The following SUPT3H variants were observed in gnomAD, a reference collection of about 807,000 sequenced individuals.
SUPT3H encodes SPT3 homolog, SAGA and STAGA complex component.
Under a neutral mutation model 44.3 loss-of-function variants are expected in SUPT3H, and 44 were observed. That is an observed-to-expected ratio of 0.99 (90% CI 0.78 to 1.28). The LOEUF (loss-of-function observed/expected upper bound fraction) is 1.28. Ranked by LOEUF, SUPT3H falls within the 50% of genes most tolerant of loss-of-function variation. The pLI is 0.00. For missense variants in SUPT3H, 380 were observed against 387.1 expected, an observed-to-expected ratio of 0.98 and a Z score of 0.15; for synonymous variants, 124 against 125.6, an observed-to-expected ratio of 0.99 and a Z score of 0.09.
intron 6 of SUPT3H, among the ~76,000 whole-genome samples, chr6:44,970,047 T>A (rs1057202168): frequency 1.3e-5 from 2 of 152,164 alleles, no homozygotes; most frequent in Admixed American, 6.5e-5. Context: ...ATAGAGTTGT[T>A]TCAAAATATT....
At chr6:44,915,079 A>G (rs770401785) in intron 10 of SUPT3H, among the ~76,000 whole-genome samples, 1 of 152,138 alleles carries the variant, frequency 6.6e-6, no homozygotes, top group Non-Finnish European at 1.5e-5. Flanking sequence ...CCTTACCTCT[A>G]AAGAAAGTAT....
intron 6 of SUPT3H, among the ~76,000 whole-genome samples, chr6:44,986,339 A>T (rs1779790783): frequency 6.6e-6 from 1 of 152,202 alleles, no homozygotes; most frequent in Admixed American, 6.6e-5. Context: ...AGGGTAACAG[A>T]AACTATCCCA....
At chr6:45,302,467 C>CATATAT (rs57394324) in intron 2 of SUPT3H, among the ~76,000 whole-genome samples, 2 of 131,206 alleles carry the variant, frequency 1.5e-5, no homozygotes, top group African/African-American at 5.7e-5. Context: ...TCCATATATA[C>CATATAT]ATATATATAT....
intron 2 of SUPT3H, among the ~76,000 whole-genome samples, chr6:45,170,073 T>C (rs1810523243): frequency 6.6e-6 from 1 of 152,174 alleles, no homozygotes; most frequent in African/African-American, 2.4e-5. Flanking sequence ...CACAGAAAGT[T>C]AATAGTTGCC....
At chr6:45,110,562 C>CA (rs1554251648) in intron 2 of SUPT3H, among the ~76,000 whole-genome samples, 1 of 87,378 alleles carries the variant, frequency 1.1e-5, no homozygotes, top group African/African-American at 6.8e-5. Flanking sequence ...CTAACATCAG[C>CA]TTTTTTTAAA....
intron 2 of SUPT3H, among the ~76,000 whole-genome samples, chr6:45,245,927 T>C (rs187529436): frequency 6.2e-4 from 95 of 152,290 alleles, no homozygotes; most frequent in Non-Finnish European, 1.2e-3. Context: ...AATTTGTCCA[T>C]ATCCTTGCCA....
chr6:45,216,194 G>GGTAA (rs1454050172), intron 2 of SUPT3H, among the ~76,000 whole-genome samples: 1 of 103,902 alleles, frequency 9.6e-6, no homozygotes, highest in Non-Finnish European at 1.8e-5. Context: ...GTAAAAGGAT[G>GGTAA]GTAACTACCA....
chr6:45,194,331 TAC>T, intron 2 of SUPT3H, among the ~76,000 whole-genome samples: 1 of 152,276 alleles, frequency 6.6e-6, no homozygotes, highest in African/African-American at 2.4e-5. Flanking sequence ...CTCAAAATGA[TAC>T]TTTAAAGTGT....
chr6:44,851,473 C>T (rs907573359), intron 10 of SUPT3H, among the ~76,000 whole-genome samples: 2 of 152,118 alleles, frequency 1.3e-5, no homozygotes, highest in Admixed American at 1.3e-4. Context: ...GATTGATCTA[C>T]CAAAATACTC....
At chr6:45,136,981 A>G (rs1389105735) in intron 2 of SUPT3H, among the ~76,000 whole-genome samples, 1 of 152,150 alleles carries the variant, frequency 6.6e-6, no homozygotes, top group African/African-American at 2.4e-5. Flanking sequence ...TCATGCCAAA[A>G]GAGAGATTAT....
chr6:45,286,386 A>G (rs1222027619), intron 2 of SUPT3H, among the ~76,000 whole-genome samples: 1 of 152,212 alleles, frequency 6.6e-6, no homozygotes, highest in Admixed American at 6.5e-5. Context: ...CAATGAACTC[A>G]AACAAATTTA....
intron 10 of SUPT3H, among the ~76,000 whole-genome samples, chr6:44,833,060 GTAT>G (rs1307112853): frequency 2.6e-5 from 4 of 152,098 alleles, no homozygotes; most frequent in Admixed American, 1.3e-4. Context: ...ATATTACTGC[GTAT>G]TATGTTTGCC....
rs141420221 is a variant in SUPT3H, at chr6:45,340,544, G to A, written c.101+24657C>T. On this transcript the variant is annotated intron_variant, in intron 2 of 10. Coordinates refer to ENST00000371459, the MANE Select transcript of SUPT3H (RefSeq NM_003599.4). Reference sequence around the variant, plus strand: ...TTGCCATGTTGCCCAGGCTGGTCTCGAACTACTGGGCTCAAGCGATCCTCC... The same window carrying A: ...TTGCCATGTTGCCCAGGCTGGTCTCAAACTACTGGGCTCAAGCGATCCTCC... 1.8e-3 allele frequency among the ~76,000 whole-genome samples: 270 copies of A among 151,900 alleles called. 3 individuals are homozygous for A. The highest frequency in any genetic ancestry group is 6.3e-3 in the African/African-American group (261 of 41,444).
At chr6:44,982,421 C>G (rs970863726) in intron 6 of SUPT3H, among the ~76,000 whole-genome samples, 1 of 152,182 alleles carries the variant, frequency 6.6e-6, no homozygotes, top group African/African-American at 2.4e-5. Context: ...GACAGTGTTT[C>G]ACCGTGTTAG....
intron 9 of SUPT3H, among the ~76,000 whole-genome samples, chr6:44,950,068 T>C (rs964010780): frequency 6.6e-6 from 1 of 152,242 alleles, no homozygotes; most frequent in Non-Finnish European, 1.5e-5. Context: ...TAAACTGATA[T>C]GTTCAAGGAA....
chr6:45,239,147 A>T (rs577650418), intron 2 of SUPT3H, among the ~76,000 whole-genome samples: 113 of 152,292 alleles, frequency 7.4e-4, no homozygotes, highest in African/African-American at 2.7e-3. Context: ...GATTCTTCAT[A>T]TATGGTTTAT....
rs1326547080 is a variant in SUPT3H, at chr6:44,827,482, C to T, written c.*2334G>A. On this transcript the variant is annotated 3_prime_UTR_variant, in exon 11 of 11. Coordinates refer to ENST00000371459, the MANE Select transcript of SUPT3H (RefSeq NM_003599.4). Reference sequence around the variant, plus strand: ...TACATTATTGAGTGATCTTAGGAAACTCACTTTCCCTCTCTAGGCCATGGT... The same window carrying T: ...TACATTATTGAGTGATCTTAGGAAATTCACTTTCCCTCTCTAGGCCATGGT... 6.6e-6 allele frequency among the ~76,000 whole-genome samples: 1 copy of T among 151,922 alleles called. No individual in the cohort carries two copies. The highest frequency in any genetic ancestry group is 2.4e-5 in the African/African-American group (1 of 41,384).
At chr6:45,375,131 C>G (rs139852621) in intron 1 of SUPT3H, among the ~76,000 whole-genome samples, 3 of 152,308 alleles carry the variant, frequency 2.0e-5, no homozygotes, top group Non-Finnish European at 4.4e-5. Context: ...CGCTTGAACC[C>G]AGGAGGGGGA....
chr6:45,253,901 A>G (rs913304863), intron 2 of SUPT3H, among the ~76,000 whole-genome samples: 1 of 144,236 alleles, frequency 6.9e-6, no homozygotes, highest in Non-Finnish European at 1.5e-5. Context: ...TATAGAACCA[A>G]AAGTTATGTG....
Sources: allele counts gnomAD v4.1 joint callset (sites outside exome capture counted in the v4.1 genomes callset), GRCh38; gene constraint gnomAD v4.1.1; transcripts MANE v1.5; gene names NCBI Gene and HGNC (gene_info 2026-07-23, HGNC 2026-07-21).